CFAP57: variants seen among roughly 807,000 people sequenced by gnomAD.
CFAP57 encodes cilia- and flagella-associated protein 57.
Under a neutral mutation model 146.8 loss-of-function variants are expected in CFAP57, and 116 were observed. That is an observed-to-expected ratio of 0.79 (90% confidence interval 0.68 to 0.92). The LOEUF (loss-of-function observed/expected upper bound fraction) is 0.92. Ranked by LOEUF, CFAP57 falls within the 40% of genes least tolerant of loss-of-function variation. The probability of loss-of-function intolerance (pLI) is 0.00; values close to 1 mark genes in which losing one functional copy is unlikely to be tolerated. For synonymous variants in CFAP57, 518 were observed against 552.8 expected, an observed-to-expected ratio of 0.94 and a Z score of 0.88; for missense variants, 1,377 against 1,527.2, an observed-to-expected ratio of 0.90 and a Z score of 1.64.
intron 6 of CFAP57, among the ~76,000 whole-genome samples, chr1:43,194,340 T>A (rs1363506077): frequency 6.6e-6 from 1 of 152,250 alleles, no homozygotes; most frequent in African/African-American, 2.4e-5. Flanking sequence ...TTGTAAGTGA[T>A]CAGTCATTTT....
rs770300584 is a variant in CFAP57 at position 43,254,206 on chromosome 1, C to A, written c.*15C>A. On this transcript the variant is annotated 3_prime_UTR_variant, in exon 23 of 23. Transcript: ENST00000372492. Reference sequence around the variant, plus strand: ...AGACCAACTGACCCCCTCTGGTGAGCCATCTCCAGCCACAGCCAGAAGAAA... The same window carrying A: ...AGACCAACTGACCCCCTCTGGTGAGACATCTCCAGCCACAGCCAGAAGAAA... 6.5e-7 allele frequency: 1 copy of A among 1,534,354 alleles called. No individual in the cohort carries two copies. The highest frequency in any genetic ancestry group is 2.0e-5 in the Admixed American group (1 of 49,848).
intron 10 of CFAP57, 33 bp downstream of exon 10, chr1:43,206,965 T>A (rs11210812): frequency 1.2e-6 from 2 of 1,605,600 alleles, no homozygotes; most frequent in Non-Finnish European, 1.7e-6. Flanking sequence ...TCTGGGCTGG[T>A]GCACGGATCT....
chr1:43,221,491 T>TA (rs1483208771), intron 14 of CFAP57, 26 bp downstream of exon 14: 37 of 1,456,844 alleles, frequency 2.5e-5, no homozygotes, highest in Middle Eastern at 3.5e-4. Flanking sequence ...GAGGCCTCGT[T>TA]GGTTAGGGTT....
chr1:43,213,768 T>G (rs953099801), intron 11 of CFAP57, among the ~76,000 whole-genome samples: 6 of 152,198 alleles, frequency 3.9e-5, no homozygotes, highest in African/African-American at 1.4e-4. Flanking sequence ...TAAGATGGTA[T>G]CTCATGGTGG....
rs1416111436 is a variant in CFAP57, at chr1:43,182,268, A to G, written c.474+418A>G. On this transcript the variant is annotated intron_variant, in intron 3 of 22. Transcript: ENST00000372492. ...ATGTGATGTAACATGGTAGGTCTTT[A>G]GGAAGCTGTTGCTGAAGTTGCAGTT... Among the ~76,000 whole-genome samples, 3 of 152,206 alleles carry G rather than the reference A, an allele frequency of 2.0e-5. No homozygotes were observed. The East Asian group carries it at 5.8e-4, about 29-fold the overall frequency.
chr1:43,185,918 A>C (rs1317157616), intron 5 of CFAP57, among the ~76,000 whole-genome samples: 1 of 151,808 alleles, frequency 6.6e-6, no homozygotes, highest in Non-Finnish European at 1.5e-5. Context: ...ACTCTGTCTC[A>C]AAAAAAGAAA....
chr1:43,227,078 A>G lies in CFAP57; in HGVS notation c.2961A>G (p.Ile987Met). ...DYKIKELKKQ[I>M]EPRENEIRVM... is the part of the protein sequence containing the mutation. ...AAATAAAGGAGCTGAAGAAGCAAAT[A>G]GAACCTCGAGAGAATGAGATCAGGG... Residue 987 changes from isoleucine to methionine, a missense_variant, in exon 18 of 23, where the codon ATA becomes ATG. By Grantham distance (10) the Ile-to-Met change is conservative. Transcript: ENST00000372492. 2 of 1,544,986 alleles carry G rather than the reference A, an allele frequency of 1.3e-6. No individual in the cohort carries two copies. The highest frequency in any genetic ancestry group is 1.7e-6 in the Non-Finnish European group (2 of 1,144,172).
Position 43,224,220 on chromosome 1 carries a change from T to C in CFAP57, c.2865+16T>C. 3 of 1,519,018 alleles carry C rather than the reference T, an allele frequency of 2.0e-6. No individual in the cohort carries two copies. Among genetic ancestry groups the C allele is most frequent in the Non-Finnish European group, 2.7e-6 (3 of 1,130,212 alleles). 94.1% of individuals were successfully genotyped at this position (1,519,018 alleles called of 1,614,324 possible). A position where few individuals can be genotyped will look rare whatever the true frequency, so the allele number is the denominator to read the frequency against. Reference sequence around the variant, plus strand: ...TCAAGACAAGGTGCAGCTCTCCTTCTGTCCTCCCTCAGCTACGGCCAGATG... The same window carrying C: ...TCAAGACAAGGTGCAGCTCTCCTTCCGTCCTCCCTCAGCTACGGCCAGATG... On this transcript the variant is annotated intron_variant, in intron 17 of 22. Coordinates refer to ENST00000372492, the MANE Select transcript of CFAP57 (RefSeq NM_001378189.1).
intron 9 of CFAP57, 97 bp from the exon 10 acceptor site, chr1:43,206,623 T>C (rs1264902279): frequency 1.6e-6 from 2 of 1,234,546 alleles, no homozygotes; most frequent in Non-Finnish European, 2.4e-6. Flanking sequence ...GACGTTCTGC[T>C]CAGTCTAGTG....
chr1:43,249,597 CTTTTTTTTTTTTTTT>C (rs35050145), intron 22 of CFAP57, among the ~76,000 whole-genome samples: 1 of 52,650 alleles, frequency 1.9e-5, no homozygotes, highest in African/African-American at 7.7e-5. Flanking sequence ...ACCCAGCTAA[CTTTTTTTTTTTTTTT>C]TTTTTTTTTT....
chr1:43,251,617 C>T (rs1355492502), intron 22 of CFAP57, among the ~76,000 whole-genome samples: 1 of 152,106 alleles, frequency 6.6e-6, no homozygotes, highest in East Asian at 1.9e-4. Flanking sequence ...AATGAAAAAA[C>T]AAAGCAATTA....
At chr1:43,204,738 T>C (rs1644285421) in intron 9 of CFAP57, among the ~76,000 whole-genome samples, 1 of 152,232 alleles carries the variant, frequency 6.6e-6, no homozygotes, top group Non-Finnish European at 1.5e-5. Context: ...GATTTATGTG[T>C]GGCTTGGAAA....
chr1:43,186,078 CA>C (rs60209286), intron 5 of CFAP57, among the ~76,000 whole-genome samples: 26,448 of 141,252 alleles, frequency 0.19, 3,310 homozygotes, highest in African/African-American at 0.35. Flanking sequence ...GACTCTGTCT[CA>C]AAAAAAAAAA....
intron 12 of CFAP57, among the ~76,000 whole-genome samples, chr1:43,215,943 C>T (rs1245232043): frequency 6.6e-6 from 1 of 152,148 alleles, no homozygotes; most frequent in Non-Finnish European, 1.5e-5. Context: ...AGATTTAATC[C>T]AGAGCCCCCT....
chr1:43,208,682 A>G (rs1263234912), intron 10 of CFAP57, among the ~76,000 whole-genome samples: 1 of 152,226 alleles, frequency 6.6e-6, no homozygotes, highest in African/African-American at 2.4e-5. Flanking sequence ...ATTAGGAGAT[A>G]TATCTAATGT....
chr1:43,230,613 C>G (rs116561303), intron 18 of CFAP57, among the ~76,000 whole-genome samples: 2,522 of 152,274 alleles, frequency 0.017, 62 homozygotes, highest in African/African-American at 0.058. Flanking sequence ...ATGCGCCAGG[C>G]TGCCCATGCC....
In CFAP57 at chr1:43,222,138, A is replaced by T. The variant is rs1054958921; in HGVS notation, c.2375A>T (p.Tyr792Phe). The T allele has an allele frequency of 6.5e-7, 1 of 1,548,088 alleles. No homozygotes were observed. The highest frequency in any genetic ancestry group is 1.4e-5 in the African/African-American group (1 of 72,934). ...AACAACCAAAAGTTGCTTCTAGAAT[A>T]TGAGAAGTACCAGGAGCTGCAGCTC... Reference protein sequence around the residue: ...CCNNQKLLLEYEKYQELQLKS... With the variant: ...CCNNQKLLLEFEKYQELQLKS... Residue 792 changes from tyrosine (Y) to phenylalanine (F), a missense_variant, in exon 15 of 23, where the codon TAT becomes TTT. Physicochemically the swap from Tyr to Phe is conservative, Grantham distance 22 (BLOSUM62 3). Coordinates refer to ENST00000372492, the MANE Select transcript of CFAP57 (RefSeq NM_001378189.1).
intron 2 of CFAP57, 36 bp downstream of exon 2, chr1:43,172,946 G>C (rs764306257): frequency 1.3e-6 from 2 of 1,588,176 alleles, no homozygotes; most frequent in Non-Finnish European, 1.7e-6. Flanking sequence ...TACAGGAATG[G>C]TATGTGCCAC....
chr1:43,172,395 C>A lies in CFAP57; in HGVS notation c.-78C>A, dbSNP rs957821523. 6 of 1,551,406 alleles carry A rather than the reference C, an allele frequency of 3.9e-6. No homozygotes were observed. Among genetic ancestry groups the A allele is most frequent in the African/African-American group, 2.7e-5 (2 of 72,976 alleles). On this transcript the variant is annotated 5_prime_UTR_variant, in exon 1 of 23. Transcript: ENST00000372492. The stretch of plus-strand genomic sequence containing the variant: ...TGAAAGTGTCCGGGTTGCTTAGGAT[C>A]CCTACAGGTAGCGCCTCTGGATACA...
Sources: gnomAD v4.1 joint callset for allele counts (sites outside exome capture counted in the v4.1 genomes callset) on GRCh38, gnomAD v4.1.1 for gene constraint, MANE v1.5 for transcripts, NCBI Gene and HGNC (gene_info 2026-07-23, HGNC 2026-07-21) for gene names.